The following INPP5D variants were observed in gnomAD, a reference collection of about 807,000 sequenced individuals.
INPP5D encodes the protein inositol polyphosphate-5-phosphatase D.
A neutral mutation model predicts 122.9 loss-of-function variants in INPP5D; 33 were observed. The observed-to-expected ratio is 0.27, with a 90% CI of 0.20 to 0.36. INPP5D has a LOEUF of 0.36. INPP5D is among the 10% of genes least tolerant of loss of function. The pLI is 1.00. For missense variants in INPP5D, 1,053 were observed against 1,412.7 expected, an observed-to-expected ratio of 0.75 and a Z score of 4.08; for synonymous variants, 584 against 576.2, an observed-to-expected ratio of 1.01 and a Z score of -0.19.
intron 2 of INPP5D, among the ~76,000 whole-genome samples, chr2:233,083,878 C>T (rs912942122): frequency 7.2e-5 from 11 of 151,940 alleles, no homozygotes; most frequent in Non-Finnish European, 1.6e-4. Flanking sequence ...TTGGCCCTTG[C>T]GTCCTTTCTA....
chr2:233,142,221 C>A (rs1379107913), intron 6 of INPP5D, among the ~76,000 whole-genome samples: 2 of 152,192 alleles, frequency 1.3e-5, no homozygotes, highest in Non-Finnish European at 1.5e-5. Context: ...TGCCACACTC[C>A]CCTCCCCTTT....
chr2:233,101,096 G>A (rs1367874073), intron 2 of INPP5D, among the ~76,000 whole-genome samples: 1 of 152,174 alleles, frequency 6.6e-6, no homozygotes, highest in Non-Finnish European at 1.5e-5. Context: ...TCTGGTCTCT[G>A]GGGACTGAAG....
At chr2:233,201,235 G>T (rs1329805147) in intron 25 of INPP5D, among the ~76,000 whole-genome samples, 7 of 152,170 alleles carry the variant, frequency 4.6e-5, no homozygotes, top group Admixed American at 3.3e-4. Context: ...TGCCTGTGTG[G>T]CCACCTCTTT....
chr2:233,187,237 C>T (rs1313650359), intron 21 of INPP5D, among the ~76,000 whole-genome samples: 3 of 152,082 alleles, frequency 2.0e-5, no homozygotes, highest in Non-Finnish European at 4.4e-5. Context: ...GCTAAATTGA[C>T]AGTGGAGATG....
chr2:233,124,844 G>C (rs913739436), intron 3 of INPP5D, among the ~76,000 whole-genome samples: 2 of 152,236 alleles, frequency 1.3e-5, no homozygotes, highest in Non-Finnish European at 2.9e-5. Context: ...TTGTCGGCTC[G>C]AACCAGAGCA....
chr2:233,122,362 G>T (rs1423879938), intron 3 of INPP5D, 105 bp downstream of exon 3: 16 of 1,241,920 alleles, frequency 1.3e-5, no homozygotes, highest in Non-Finnish European at 1.7e-5. Flanking sequence ...GAGGGAGATT[G>T]TTGGCGTGGG....
chr2:233,169,819 C>T, intron 14 of INPP5D: 1 of 834,700 alleles, frequency 1.2e-6, no homozygotes, highest in Non-Finnish European at 1.8e-6. Context: ...TCTGTACACC[C>T]AATGTGGCCT....
At chr2:233,152,455 C>T (rs959733106) in intron 9 of INPP5D, among the ~76,000 whole-genome samples, 7 of 152,118 alleles carry the variant, frequency 4.6e-5, no homozygotes, top group Non-Finnish European at 8.8e-5. Context: ...ACCAGCCAGC[C>T]GGGATCCTAG....
At chr2:233,134,196 A>G in intron 5 of INPP5D, 1 of 350,892 alleles carries the variant, frequency 2.8e-6, no homozygotes, top group South Asian at 2.1e-5. Flanking sequence ...GTTCTGGGCT[A>G]CATTTGGCTT....
chr2:233,136,393 C>T (rs191778045), intron 5 of INPP5D, among the ~76,000 whole-genome samples: 5 of 151,642 alleles, frequency 3.3e-5, no homozygotes, highest in South Asian at 2.1e-4. Context: ...GTAGGAGAAT[C>T]GCTTGAACCC....
At chr2:233,084,128 C>G (rs968358405) in intron 2 of INPP5D, among the ~76,000 whole-genome samples, 1 of 152,214 alleles carries the variant, frequency 6.6e-6, no homozygotes, top group Non-Finnish European at 1.5e-5. Flanking sequence ...GACCTCGGCT[C>G]ACTGCAACCT....
chr2:233,116,235 A>AGATG (rs1692786460), intron 2 of INPP5D, among the ~76,000 whole-genome samples: 1 of 127,848 alleles, frequency 7.8e-6, no homozygotes, highest in Non-Finnish European at 1.6e-5. Context: ...GTAGATAGAT[A>AGATG]GATAGATAGA....
At chr2:233,097,605 A>C (rs1574722820) in intron 2 of INPP5D, among the ~76,000 whole-genome samples, 1 of 152,210 alleles carries the variant, frequency 6.6e-6, no homozygotes. Flanking sequence ...TTCCATCATG[A>C]CATTTTCTGG....
intron 9 of INPP5D, among the ~76,000 whole-genome samples, chr2:233,147,976 T>G (rs1165114912): frequency 1.3e-5 from 2 of 152,256 alleles, no homozygotes; most frequent in Non-Finnish European, 2.9e-5. Context: ...GCCCTCAGTT[T>G]CCTCATCTGT....
intron 14 of INPP5D, chr2:233,169,810 C>A: frequency 1.3e-6 from 1 of 770,326 alleles, no homozygotes; most frequent in Non-Finnish European, 2.0e-6. Context: ...CCCCTGCCCT[C>A]TGTACACCCA....
In INPP5D at chr2:233,100,045, C is replaced by G. The variant is rs918568930; in HGVS notation, c.198+20647C>G. ...GAGAACAGAGCCGCCATAATTCAAT[C>G]ACCTCCCACCGGGTTCCTCCCACGA... is the stretch of plus-strand genomic sequence containing the variant. On this transcript the variant is annotated intron_variant, in intron 2 of 26. Coordinates refer to ENST00000445964, the MANE Select transcript of INPP5D (RefSeq NM_001017915.3). The surrounding 1 kb of genome is among the most constrained non-coding windows in gnomAD (Gnocchi z 5.3). Among the ~76,000 whole-genome samples, 1 of 152,222 alleles carries G rather than the reference C, an allele frequency of 6.6e-6. No individual in the cohort carries two copies. Among genetic ancestry groups the G allele is most frequent in the Non-Finnish European group, 1.5e-5 (1 of 68,042 alleles).
chr2:233,169,207 A>C, intron 13 of INPP5D, 98 bp from the exon 14 acceptor site: 1 of 1,519,396 alleles, frequency 6.6e-7, no homozygotes, highest in Non-Finnish European at 8.9e-7. Context: ...CCAGCTCCTC[A>C]CTCACTGCCC....
At chr2:233,080,577 A>G (rs1182457290) in intron 2 of INPP5D, among the ~76,000 whole-genome samples, 1 of 152,162 alleles carries the variant, frequency 6.6e-6, no homozygotes, top group Non-Finnish European at 1.5e-5. Context: ...ATATCATGTC[A>G]TGGAAGAGCA....
chr2:233,199,882 G>A (rs921683095), intron 25 of INPP5D, among the ~76,000 whole-genome samples: 6 of 152,282 alleles, frequency 3.9e-5, no homozygotes, highest in East Asian at 3.9e-4. Context: ...GGCATCTCCC[G>A]CTCCCTAGAG....
Sources: allele counts gnomAD v4.1 joint callset (sites outside exome capture counted in the v4.1 genomes callset), GRCh38; gene constraint gnomAD v4.1.1; non-coding constraint Gnocchi (gnomAD v3.1); transcripts MANE v1.5; gene names NCBI Gene and HGNC (gene_info 2026-07-23, HGNC 2026-07-21).